The following PDGFD variants were observed in gnomAD, a reference collection of about 807,000 sequenced individuals.
PDGFD encodes the protein platelet-derived growth factor D.
Under a neutral mutation model 44.7 loss-of-function variants are expected in PDGFD, and 30 were observed. That is an observed-to-expected ratio of 0.67 (90% CI 0.50 to 0.91). The LOEUF is 0.91. Ranked by LOEUF, PDGFD falls within the 40% of genes least tolerant of loss-of-function variation. PDGFD has a pLI of 0.00. For synonymous variants in PDGFD, 173 were observed against 168.4 expected (o/e 1.03, Z -0.21); for missense variants, 445 against 457.8 (o/e 0.97, Z 0.25).
In PDGFD at chr11:104,013,781, A is replaced by T. The variant is rs1019249736; in HGVS notation, c.125-13526T>A. Among the ~76,000 whole-genome samples the T allele has an allele frequency of 2.0e-5, 3 of 151,774 alleles. No homozygotes were observed. In the East Asian group the frequency reaches 5.8e-4, roughly 29 times the overall value. ...CTAACCATACACTGAATAACATCTC[A>T]TTGTTATTATTATAAATCATTGCAA... On this transcript the variant is annotated intron_variant, in intron 1 of 6. Coordinates refer to ENST00000393158, the MANE Select transcript of PDGFD (RefSeq NM_025208.5).
At chr11:104,134,175 C>T (rs200229711) in intron 1 of PDGFD, among the ~76,000 whole-genome samples, 19,723 of 151,850 alleles carry the variant, frequency 0.13, 1,404 homozygotes, top group East Asian at 0.29. Flanking sequence ...ATTTAGGGGT[C>T]ACAAACACAG....
chr11:103,949,342 A>G (rs1214646995), intron 3 of PDGFD, among the ~76,000 whole-genome samples: 1 of 152,210 alleles, frequency 6.6e-6, no homozygotes, highest in Non-Finnish European at 1.5e-5. Flanking sequence ...ATAGAAAAGA[A>G]GCAGGAAATG....
intron 1 of PDGFD, among the ~76,000 whole-genome samples, chr11:104,115,531 C>A (rs913441081): frequency 2.6e-5 from 4 of 151,878 alleles, no homozygotes; most frequent in African/African-American, 9.6e-5. Context: ...ATAATGACTT[C>A]TTTTCCTTTG....
chr11:103,926,413 A>G (rs1056240294), intron 6 of PDGFD, among the ~76,000 whole-genome samples: 3 of 152,220 alleles, frequency 2.0e-5, no homozygotes, highest in African/African-American at 7.2e-5. Context: ...TAATAGTTAA[A>G]ATAAACTGAG....
chr11:104,142,774 C>T (rs1862103930), intron 1 of PDGFD, among the ~76,000 whole-genome samples: 1 of 152,176 alleles, frequency 6.6e-6, no homozygotes, highest in Non-Finnish European at 1.5e-5. Flanking sequence ...AAAATGCAGA[C>T]TGTTCATTCT....
At chr11:104,103,448 A>ATGTG (rs377722057) in intron 1 of PDGFD, among the ~76,000 whole-genome samples, 9,576 of 122,024 alleles carry the variant, frequency 0.078, 422 homozygotes, top group Middle Eastern at 0.13. Context: ...ACAGACAATT[A>ATGTG]TGTGTGTGTG....
chr11:103,934,948 T>C (rs563478488), intron 5 of PDGFD, among the ~76,000 whole-genome samples: 1 of 152,278 alleles, frequency 6.6e-6, no homozygotes, highest in East Asian at 1.9e-4. Flanking sequence ...AGGAGCAGTG[T>C]AGTGTCTCCT....
chr11:104,044,948 G>C (rs922151472), intron 1 of PDGFD, among the ~76,000 whole-genome samples: 1 of 152,148 alleles, frequency 6.6e-6, no homozygotes, highest in African/African-American at 2.4e-5. Flanking sequence ...TGAGGCAGGA[G>C]AATGGCTCGA....
intron 1 of PDGFD, chr11:104,037,907 C>A: frequency 1.2e-6 from 2 of 1,614,080 alleles, no homozygotes; most frequent in Non-Finnish European, 1.7e-6. Flanking sequence ...TATTTTCTTC[C>A]TGAGGGAGAG....
In PDGFD at chr11:104,146,438, T is replaced by C. The variant is rs891315403; in HGVS notation, c.124+17366A>G. 3.9e-5 allele frequency among the ~76,000 whole-genome samples: 6 copies of C among 152,202 alleles called. No individual in the cohort carries two copies. The South Asian group carries it at 6.2e-4, about 16-fold the overall frequency. On this transcript the variant is annotated intron_variant, in intron 1 of 6. Coordinates refer to ENST00000393158, the MANE Select transcript of PDGFD (RefSeq NM_025208.5). ...GCTCTTAGGGTACTGGAGCTCCCGC[T>C]GCACTAAATTTTTCATCTGATAGTT...
At chr11:104,005,796 A>G (rs1859693713) in intron 1 of PDGFD, among the ~76,000 whole-genome samples, 1 of 152,240 alleles carries the variant, frequency 6.6e-6, no homozygotes, top group Non-Finnish European at 1.5e-5. Flanking sequence ...CTACTTTCAG[A>G]GCACACATGC....
intron 3 of PDGFD, among the ~76,000 whole-genome samples, chr11:103,984,180 T>C (rs768014622): frequency 6.6e-6 from 1 of 151,574 alleles, no homozygotes; most frequent in East Asian, 1.9e-4. Context: ...CAATGTTAGA[T>C]TGGATAAACA....
intron 1 of PDGFD, among the ~76,000 whole-genome samples, chr11:104,102,205 T>G (rs1197979175): frequency 1.3e-5 from 2 of 152,112 alleles, no homozygotes; most frequent in Non-Finnish European, 2.9e-5. Context: ...ATCCAGAATC[T>G]ACAATGAACT....
At chr11:103,979,783 A>G (rs898103425) in intron 3 of PDGFD, among the ~76,000 whole-genome samples, 1 of 152,162 alleles carries the variant, frequency 6.6e-6, no homozygotes, top group African/African-American at 2.4e-5. Context: ...TAGCTGGCTG[A>G]GAAATAACCA....
At chr11:103,911,848 G>C (rs1858033138) in intron 6 of PDGFD, among the ~76,000 whole-genome samples, 2 of 151,836 alleles carry the variant, frequency 1.3e-5, no homozygotes, top group South Asian at 4.2e-4. Context: ...AGCTTCAATA[G>C]CCAAATCGAT....
rs73608313 is a variant in PDGFD at position 104,061,340 on chromosome 11, A to G, written c.125-61085T>C. The stretch of plus-strand genomic sequence containing the variant: ...TTCTTTAAAAGACACCAAAACATGT[A>G]CTGAAAAAGCTAGTCACAGAGTAAG... On this transcript the variant is annotated intron_variant, in intron 1 of 6. Transcript: ENST00000393158. Among the ~76,000 whole-genome samples, 1,410 of 152,306 alleles carry G rather than the reference A, an allele frequency of 9.3e-3. 25 individuals carry two copies. Among genetic ancestry groups the G allele is most frequent in the African/African-American group, 0.032 (1,319 of 41,554 alleles).
intron 5 of PDGFD, among the ~76,000 whole-genome samples, chr11:103,938,067 C>T (rs1858520521): frequency 6.6e-6 from 1 of 151,362 alleles, no homozygotes; most frequent in African/African-American, 2.4e-5. Flanking sequence ...GGGTATATAC[C>T]CAGTAATGGG....
At chr11:104,135,585 C>T (rs1410420189) in intron 1 of PDGFD, among the ~76,000 whole-genome samples, 2 of 152,072 alleles carry the variant, frequency 1.3e-5, no homozygotes, top group Non-Finnish European at 2.9e-5. Context: ...ACTCAGAAGG[C>T]TATTTGGTGG....
intron 3 of PDGFD, 46 bp from the exon 4 acceptor site, chr11:103,947,770 A>T (rs1455358026): frequency 1.5e-6 from 2 of 1,374,240 alleles, no homozygotes; most frequent in East Asian, 4.6e-5. Context: ...CCTCTGTTCA[A>T]TTCATTATGT....
Sources: gnomAD v4.1 joint callset for allele counts (sites outside exome capture counted in the v4.1 genomes callset) on GRCh38, gnomAD v4.1.1 for gene constraint, MANE v1.5 for transcripts, NCBI Gene and HGNC (gene_info 2026-07-23, HGNC 2026-07-21) for gene names.